The following ITPR2 variants were observed in gnomAD, a reference collection of about 807,000 sequenced individuals.
ITPR2 encodes the protein inositol 1,4,5-trisphosphate receptor type 2, also known as inositol 1,4,5-trisphosphate-gated calcium channel ITPR2.
A neutral mutation model predicts 317.1 loss-of-function variants in ITPR2; 207 were observed. That is an observed-to-expected ratio of 0.65 (90% CI 0.58 to 0.73). The LOEUF (loss-of-function observed/expected upper bound fraction) is 0.73. Ranked by LOEUF, ITPR2 falls within the 30% of genes least tolerant of loss-of-function variation. ITPR2 has a pLI of 0.00. For synonymous variants in ITPR2, 1,156 were observed against 1,149.1 expected, an observed-to-expected ratio of 1.01 and a Z score of -0.12; for missense variants, 2,613 against 3,284.0, an observed-to-expected ratio of 0.80 and a Z score of 4.99.
chr12:26,770,368 C>T (rs1949817686), intron 2 of ITPR2, among the ~76,000 whole-genome samples: 1 of 152,182 alleles, frequency 6.6e-6, no homozygotes, highest in South Asian at 2.1e-4. Flanking sequence ...CATGCTATTT[C>T]ATACCTCTGT....
intron 37 of ITPR2, among the ~76,000 whole-genome samples, chr12:26,500,771 T>C (rs1943054856): frequency 6.6e-6 from 1 of 152,106 alleles, no homozygotes; most frequent in South Asian, 2.1e-4. Context: ...ATCATTGCCT[T>C]TCATGGATAG....
intron 10 of ITPR2, among the ~76,000 whole-genome samples, chr12:26,687,562 G>A (rs1432130489): frequency 4.6e-5 from 7 of 152,064 alleles, no homozygotes; most frequent in South Asian, 2.1e-4. Context: ...TGGCTGCTGC[G>A]ACAACAAGAT....
intron 1 of ITPR2, among the ~76,000 whole-genome samples, chr12:26,809,126 A>C (rs565418933): frequency 2.6e-5 from 4 of 152,314 alleles, no homozygotes; most frequent in South Asian, 2.1e-4. Context: ...GTTTTCTTCT[A>C]AACTGATACT....
intron 55 of ITPR2, among the ~76,000 whole-genome samples, chr12:26,358,792 G>T (rs574675659): frequency 6.6e-6 from 1 of 152,150 alleles, no homozygotes; most frequent in African/African-American, 2.4e-5. Flanking sequence ...CCCATCTGTG[G>T]CTGCCACCTG....
At chr12:26,632,904 T>A (rs190562472) in intron 21 of ITPR2, among the ~76,000 whole-genome samples, 2 of 152,346 alleles carry the variant, frequency 1.3e-5, no homozygotes, top group African/African-American at 4.8e-5. Flanking sequence ...TGACAATTTA[T>A]GTTCTCCAGC....
At chr12:26,436,692 T>A (rs2136721514) in intron 47 of ITPR2, among the ~76,000 whole-genome samples, 1 of 152,324 alleles carries the variant, frequency 6.6e-6, no homozygotes, top group African/African-American at 2.4e-5. Context: ...TCCCTTTTAA[T>A]GAAATGATAT....
chr12:26,454,423 C>G (rs1941826863), intron 45 of ITPR2, among the ~76,000 whole-genome samples: 1 of 152,134 alleles, frequency 6.6e-6, no homozygotes, highest in South Asian at 2.1e-4. Context: ...CCAGGATGGT[C>G]TCGAGATCTC....
At chr12:26,396,676 T>C (rs535819177) in intron 54 of ITPR2, among the ~76,000 whole-genome samples, 11 of 152,320 alleles carry the variant, frequency 7.2e-5, no homozygotes, top group Non-Finnish European at 1.6e-4. Context: ...GATTCCCCAG[T>C]TATAGTCTCC....
intron 55 of ITPR2, among the ~76,000 whole-genome samples, 190 bp downstream of exon 55, chr12:26,387,244 T>A (rs1368225809): frequency 6.6e-6 from 1 of 152,212 alleles, no homozygotes; most frequent in Non-Finnish European, 1.5e-5. Context: ...TTGGTTTGAA[T>A]AACCAAGGAG....
chr12:26,426,440 T>C (rs1053156640), intron 49 of ITPR2, among the ~76,000 whole-genome samples: 3 of 152,200 alleles, frequency 2.0e-5, no homozygotes, highest in African/African-American at 7.2e-5. Flanking sequence ...ATTTTCTGAA[T>C]GTTTCAATGC....
chr12:26,535,836 C>T (rs1027614407), intron 37 of ITPR2, among the ~76,000 whole-genome samples: 3 of 151,874 alleles, frequency 2.0e-5, no homozygotes, highest in African/African-American at 7.3e-5. Flanking sequence ...AGATGGTGCA[C>T]ATAAATAAGA....
At chr12:26,746,621 T>C (rs1949329663) in intron 2 of ITPR2, among the ~76,000 whole-genome samples, 1 of 152,190 alleles carries the variant, frequency 6.6e-6, no homozygotes, top group Non-Finnish European at 1.5e-5. Context: ...CTTAGTGTAG[T>C]AGTGCTGTTA....
At chr12:26,793,142 A>C (rs1950372852) in intron 1 of ITPR2, among the ~76,000 whole-genome samples, 1 of 152,228 alleles carries the variant, frequency 6.6e-6, no homozygotes, top group African/African-American at 2.4e-5. Context: ...CCCACCCACC[A>C]GTAGGGCAGT....
rs142079789 is a variant in ITPR2 at position 26,537,762 on chromosome 12, T to G, written c.5073+12485A>C. 7.9e-5 allele frequency among the ~76,000 whole-genome samples: 12 copies of G among 152,342 alleles called. No homozygotes were observed. In the East Asian group the frequency reaches 2.3e-3, roughly 29 times the overall value. Reference sequence around the variant, plus strand: ...TAATATAGTCTATATTGAGTTTTAATTAAAAACCCAGCCAAAAGCCAGCGA... The same window carrying G: ...TAATATAGTCTATATTGAGTTTTAAGTAAAAACCCAGCCAAAAGCCAGCGA... On this transcript the variant is annotated intron_variant, in intron 37 of 56. Coordinates refer to ENST00000381340, the MANE Select transcript of ITPR2 (RefSeq NM_002223.4).
At chr12:26,669,325 A>G (rs1365186717) in intron 13 of ITPR2, among the ~76,000 whole-genome samples, 1 of 152,112 alleles carries the variant, frequency 6.6e-6, no homozygotes, top group Non-Finnish European at 1.5e-5. Context: ...GATCCAACAT[A>G]TATCTCATAA....
At chr12:26,667,413 G>A (rs1011036850) in intron 13 of ITPR2, among the ~76,000 whole-genome samples, 4 of 152,092 alleles carry the variant, frequency 2.6e-5, no homozygotes, top group African/African-American at 9.7e-5. Context: ...ATGTTTTCTT[G>A]GTATGCCTAT....
chr12:26,647,913 T>C (rs1947152060), intron 21 of ITPR2, among the ~76,000 whole-genome samples: 1 of 152,070 alleles, frequency 6.6e-6, no homozygotes, highest in Non-Finnish European at 1.5e-5. Flanking sequence ...ACCTTTAGGG[T>C]ACAAAGATAA....
chr12:26,378,249 G>A (rs1158117047), intron 55 of ITPR2, among the ~76,000 whole-genome samples: 1 of 151,984 alleles, frequency 6.6e-6, no homozygotes, highest in East Asian at 1.9e-4. Context: ...GAAGTAACGG[G>A]AATGGGGATG....
At chr12:26,379,290 G>T (rs1939435251) in intron 55 of ITPR2, among the ~76,000 whole-genome samples, 1 of 152,170 alleles carries the variant, frequency 6.6e-6, no homozygotes, top group Non-Finnish European at 1.5e-5. Context: ...ACTTAGCATA[G>T]CACAGGCACT....
Sources: gnomAD v4.1 joint callset for allele counts (sites outside exome capture counted in the v4.1 genomes callset) on GRCh38, gnomAD v4.1.1 for gene constraint, MANE v1.5 for transcripts, NCBI Gene and HGNC (gene_info 2026-07-23, HGNC 2026-07-21) for gene names.